The following PTPRG variants were observed in gnomAD, a reference collection of about 807,000 sequenced individuals.
The protein encoded by PTPRG is protein tyrosine phosphatase receptor type G.
PTPRG carries 102 observed loss-of-function variants against 165.3 expected under a neutral mutation model. That is an observed-to-expected ratio of 0.62 (90% CI 0.53 to 0.73). The LOEUF is 0.73. Ranked by LOEUF, PTPRG falls within the 30% of genes least tolerant of loss-of-function variation. The pLI, the probability that PTPRG is intolerant of heterozygous loss-of-function variation, is 0.00. For synonymous variants in PTPRG, 675 were observed against 669.5 expected (o/e 1.01, Z -0.13); for missense variants, 1,866 against 1,861.4 (o/e 1.00, Z -0.05).
chr3:62,092,606 C>T (rs1701982176), intron 5 of PTPRG, among the ~76,000 whole-genome samples: 1 of 152,016 alleles, frequency 6.6e-6, no homozygotes, highest in Admixed American at 6.5e-5. Context: ...CTCAGTTCTG[C>T]CCATTAGTAG....
At chr3:61,923,254 G>C (rs553738694) in intron 2 of PTPRG, among the ~76,000 whole-genome samples, 27 of 152,112 alleles carry the variant, frequency 1.8e-4, no homozygotes, top group African/African-American at 6.3e-4. Context: ...TGTCAGTGGA[G>C]ACCCTGAGCT....
At chr3:61,977,895 A>T (rs1375772505) in intron 2 of PTPRG, among the ~76,000 whole-genome samples, 2 of 152,202 alleles carry the variant, frequency 1.3e-5, no homozygotes, top group Non-Finnish European at 2.9e-5. Context: ...TTCAATTAAA[A>T]ATGTAATTTA....
chr3:62,078,574 A>G (rs1701468359), intron 5 of PTPRG, among the ~76,000 whole-genome samples: 1 of 143,440 alleles, frequency 7.0e-6, no homozygotes, highest in South Asian at 2.1e-4. Flanking sequence ...AGAGACTGAT[A>G]TAAAAAAAAA....
intron 4 of PTPRG, among the ~76,000 whole-genome samples, chr3:62,025,774 G>A (rs1226653868): frequency 1.3e-5 from 2 of 152,166 alleles, no homozygotes; most frequent in East Asian, 1.9e-4. Context: ...AATTGTTTAA[G>A]TAGGCTCTGT....
In PTPRG at chr3:62,219,596, C is replaced by T. The variant is rs1700601404; in HGVS notation, c.2288+613C>T. On this transcript the variant is annotated intron_variant, in intron 13 of 29. Coordinates refer to ENST00000474889, the MANE Select transcript of PTPRG (RefSeq NM_002841.4). This position sits in a 1 kb window ranked among gnomAD's most constrained non-coding sequence, Gnocchi z 4.5. ...TGTTTTTTCAGCCGGACCGTCTCAG[C>T]CAGCTCAGCTGAGCAACTCCGTCAA... 6.6e-6 allele frequency among the ~76,000 whole-genome samples: 1 copy of T among 152,220 alleles called. No individual in the cohort carries two copies. Among genetic ancestry groups the T allele is most frequent in the African/African-American group, 2.4e-5 (1 of 41,446 alleles).
chr3:62,119,274 C>G (rs988191858), intron 5 of PTPRG, among the ~76,000 whole-genome samples: 1 of 152,202 alleles, frequency 6.6e-6, no homozygotes, highest in African/African-American at 2.4e-5. Context: ...TAGGAATTGA[C>G]AAACAGACTG....
intron 2 of PTPRG, among the ~76,000 whole-genome samples, chr3:61,940,005 C>T (rs574502201): frequency 7.8e-4 from 93 of 119,246 alleles, no homozygotes; most frequent in Non-Finnish European, 1.1e-3. Flanking sequence ...AGTACAGTGG[C>T]GACCTATCTC....
At chr3:61,723,629 A>G (rs1330932882) in intron 1 of PTPRG, among the ~76,000 whole-genome samples, 1 of 152,234 alleles carries the variant, frequency 6.6e-6, no homozygotes, top group Non-Finnish European at 1.5e-5. Context: ...ATTCACAGGA[A>G]GGTGCCAAGA....
chr3:61,853,275 T>G (rs1352235286), intron 2 of PTPRG, among the ~76,000 whole-genome samples: 1 of 152,204 alleles, frequency 6.6e-6, no homozygotes, highest in African/African-American at 2.4e-5. Context: ...ATTCACACCC[T>G]TTTTTAGTCT....
At chr3:61,801,946 A>C (rs2035258525) in intron 2 of PTPRG, among the ~76,000 whole-genome samples, 1 of 148,468 alleles carries the variant, frequency 6.7e-6, no homozygotes, top group Non-Finnish European at 1.5e-5. Context: ...AATCACTTGA[A>C]CCCGGGATGT....
At chr3:61,680,006 G>A (rs971526633) in intron 1 of PTPRG, among the ~76,000 whole-genome samples, 1 of 152,076 alleles carries the variant, frequency 6.6e-6, no homozygotes, top group Non-Finnish European at 1.5e-5. Flanking sequence ...GTCCCCTTAA[G>A]CAATTTACTA....
At chr3:61,800,776 TG>T (rs559300663) in intron 2 of PTPRG, among the ~76,000 whole-genome samples, 186 of 152,008 alleles carry the variant, frequency 1.2e-3, no homozygotes, top group African/African-American at 4.3e-3. Flanking sequence ...CCCGAGTAGC[TG>T]GGATTACAGG....
intron 1 of PTPRG, among the ~76,000 whole-genome samples, chr3:61,742,105 T>C (rs1348184232): frequency 6.6e-6 from 1 of 152,204 alleles, no homozygotes; most frequent in East Asian, 1.9e-4. Flanking sequence ...ATGTTTAGAC[T>C]GCAAATTAAC....
Position 62,073,083 on chromosome 3 carries a change from G to A in PTPRG, c.520-5080G>A, listed in dbSNP as rs1286197810. Among the ~76,000 whole-genome samples, 5 of 137,154 alleles carry A rather than the reference G, an allele frequency of 3.6e-5. No homozygotes were observed. The East Asian group carries it at 6.4e-4, about 18-fold the overall frequency. 90.0% of individuals were successfully genotyped at this position (137,154 alleles called of 152,430 possible). ...CATCAAAATACATAATGTTAGTAAT[G>A]GAATCTGATATCTGATAATGGATTG... On this transcript the variant is annotated intron_variant, in intron 4 of 29. Coordinates refer to ENST00000474889, the MANE Select transcript of PTPRG (RefSeq NM_002841.4).
chr3:62,191,088 ATG>A (rs1553647951), intron 8 of PTPRG, among the ~76,000 whole-genome samples: 1 of 151,558 alleles, frequency 6.6e-6, no homozygotes, highest in Non-Finnish European at 1.5e-5. Flanking sequence ...TGTCCCGTGC[ATG>A]TGTGTGTGTG....
chr3:62,164,438 T>C (rs986432636), intron 7 of PTPRG, among the ~76,000 whole-genome samples: 1 of 152,206 alleles, frequency 6.6e-6, no homozygotes, highest in Non-Finnish European at 1.5e-5. Context: ...GATTTTCATT[T>C]AAGTTAGAAA....
chr3:62,212,435 C>T (rs1398107159), intron 12 of PTPRG, among the ~76,000 whole-genome samples: 2 of 152,180 alleles, frequency 1.3e-5, no homozygotes, highest in Non-Finnish European at 2.9e-5. Flanking sequence ...CTGCTTTGTA[C>T]AGAAAGAGCC....
At position 62,003,447 on chromosome 3, in the gene PTPRG, G is replaced by A. The variant is rs2041222493; in HGVS notation, c.469G>A (p.Gly157Ser). The change falls in exon 4 of 30, where the codon GGC (glycine) becomes AGC (serine). Residue 157 changes from glycine (G) to serine (S), a missense_variant. By Grantham distance (56) the Gly-to-Ser change is moderately conservative. Coordinates refer to ENST00000474889, the MANE Select transcript of PTPRG (RefSeq NM_002841.4). The part of the protein sequence containing the change: ...KVEFHWGHSN[G>S]SAGSEHSING... ...GGAATTTCACTGGGGCCACAGCAAT[G>A]GCTCAGCGGGCTCTGAACACAGCAT... 6.2e-7 allele frequency: 1 copy of A among 1,614,088 alleles called. No individual in the cohort carries two copies. The highest frequency in any genetic ancestry group is 1.1e-5 in the South Asian group (1 of 91,078).
chr3:61,893,498 C>G (rs895908824), intron 2 of PTPRG, among the ~76,000 whole-genome samples: 1 of 152,230 alleles, frequency 6.6e-6, no homozygotes, highest in Non-Finnish European at 1.5e-5. Context: ...AGCCCATTAT[C>G]TACCGTTAGC....
Sources: gnomAD v4.1 joint callset for allele counts (sites outside exome capture counted in the v4.1 genomes callset) on GRCh38, gnomAD v4.1.1 for gene constraint, Gnocchi (gnomAD v3.1) non-coding constraint, MANE v1.5 for transcripts, NCBI Gene and HGNC (gene_info 2026-07-23, HGNC 2026-07-21) for gene names.